RBL1: variants seen among roughly 807,000 people sequenced by gnomAD.
RBL1 encodes the protein retinoblastoma-like protein 1.
RBL1 carries 82 observed loss-of-function variants against 123.0 expected under a neutral mutation model. The ratio of observed to expected loss-of-function variants is 0.67; its 90% CI spans 0.56 to 0.80. RBL1 has a LOEUF of 0.80. RBL1 is among the 30% of genes least tolerant of loss of function. The probability of loss-of-function intolerance (pLI) is 0.00; values close to 1 mark genes in which losing one functional copy is unlikely to be tolerated. For missense variants in RBL1, 1,171 were observed against 1,299.6 expected, an observed-to-expected ratio of 0.90 and a Z score of 1.52; for synonymous variants, 405 against 441.3, an observed-to-expected ratio of 0.92 and a Z score of 1.03.
intron 2 of RBL1, among the ~76,000 whole-genome samples, chr20:37,069,486 C>T (rs1191993656): frequency 6.7e-6 from 1 of 150,280 alleles, no homozygotes; most frequent in South Asian, 2.1e-4. Context: ...GCCTCTGCCC[C>T]GCCACCCCGT....
rs751519365 is a variant in RBL1 at position 37,022,845 on chromosome 20, C to T, written c.2383-19G>A. 1 of 1,574,472 alleles carries T rather than the reference C, an allele frequency of 6.4e-7. No individual in the cohort carries two copies. Among genetic ancestry groups the T allele is most frequent in the Admixed American group, 1.8e-5 (1 of 55,128 alleles). On this transcript the variant is annotated intron_variant, in intron 16 of 21. Transcript: ENST00000373664. ...GATAGACCTAAAATAGAAGGTAACA[C>T]ATTGATGCAAAACACCAAGTAAATC...
intron 19 of RBL1, among the ~76,000 whole-genome samples, chr20:37,009,978 T>C (rs1186090310): frequency 6.6e-6 from 1 of 151,874 alleles, no homozygotes; most frequent in African/African-American, 2.4e-5. Flanking sequence ...TGAGCTATGA[T>C]TGCCCCATTA....
intron 2 of RBL1, among the ~76,000 whole-genome samples, chr20:37,077,286 A>G (rs2065380135): frequency 6.6e-6 from 1 of 152,160 alleles, no homozygotes; most frequent in Non-Finnish European, 1.5e-5. Flanking sequence ...ATGGTAGTAA[A>G]TTTTATGTGT....
intron 4 of RBL1, 50 bp downstream of exon 4, chr20:37,067,183 C>T: frequency 6.4e-7 from 1 of 1,569,612 alleles, no homozygotes; most frequent in African/African-American, 1.4e-5. Flanking sequence ...TGTCAAATAG[C>T]ACCAAGTTCC....
chr20:37,035,355 G>A lies in RBL1; in HGVS notation c.2057C>T (p.Ser686Phe). Reference sequence around the variant, plus strand: ...TACATTTTCAGCAGTAATGCTTGAAGAAGGAGCGATTTTCAATTTTGTTCC... The same window carrying A: ...TACATTTTCAGCAGTAATGCTTGAAAAAGGAGCGATTTTCAATTTTGTTCC... ...TEGTKLKIAP[S>F]SSITAENVSI... The change falls in exon 15 of 22, where the codon TCT becomes TTT. Residue 686 changes from serine (S) to phenylalanine (F), a missense_variant. Transcript: ENST00000373664. 6.2e-7 allele frequency: 1 copy of A among 1,614,160 alleles called. No individual in the cohort carries two copies. Among genetic ancestry groups the A allele is most frequent in the Non-Finnish European group, 8.5e-7 (1 of 1,180,020 alleles).
rs571868798 is a variant in RBL1, at chr20:37,086,357, C to T, written c.290+2632G>A. On this transcript the variant is annotated intron_variant, in intron 2 of 21. Transcript: ENST00000373664. ...GTCCCAGCACTTAGGGAGGCCGAGG[C>T]GGGTGGATCACCTGAGGTCAGGAGT... Among the ~76,000 whole-genome samples, 27 of 151,966 alleles carry T rather than the reference C, an allele frequency of 1.8e-4. No individual in the cohort carries two copies. In the South Asian group the frequency reaches 4.6e-3, roughly 26 times the overall value.
At chr20:37,026,871 T>A (rs2064432034) in intron 16 of RBL1, among the ~76,000 whole-genome samples, 1 of 148,622 alleles carries the variant, frequency 6.7e-6, no homozygotes, top group Admixed American at 6.7e-5. Flanking sequence ...GGCATGGTGG[T>A]GCGTCCCTGT....
chr20:37,059,136 T>C (rs1331750914), intron 9 of RBL1, among the ~76,000 whole-genome samples: 1 of 152,246 alleles, frequency 6.6e-6, no homozygotes, highest in Non-Finnish European at 1.5e-5. Flanking sequence ...TTTCAACTTA[T>C]TCATGTTTGA....
intron 2 of RBL1, among the ~76,000 whole-genome samples, chr20:37,078,881 T>TTGG (rs1555871148): frequency 7.1e-6 from 1 of 140,740 alleles, no homozygotes; most frequent in African/African-American, 2.6e-5. Context: ...GGTCTTTTTT[T>TTGG]GGGGGGCGGG....
At chr20:37,020,283 T>A (rs1265385148) in intron 18 of RBL1, among the ~76,000 whole-genome samples, 1 of 151,930 alleles carries the variant, frequency 6.6e-6, no homozygotes, top group Non-Finnish European at 1.5e-5. Flanking sequence ...GAGACAGGGT[T>A]TTACCATATT....
rs577549080 is a variant in RBL1 at position 37,084,653 on chromosome 20, ACAC to A, written c.290+4333_290+4335del. On this transcript the variant is annotated intron_variant, in intron 2 of 21. Transcript: ENST00000373664. ...GTCTAGGCTGTAGTGAGCTGTGATC[ACAC>A]CACTACACTCCATCCTGAGTGACAG... is the stretch of plus-strand genomic sequence containing the variant. Among the ~76,000 whole-genome samples the A allele has an allele frequency of 2.0e-5, 3 of 152,262 alleles. No homozygotes were observed. In the South Asian group the frequency reaches 6.2e-4, roughly 32 times the overall value.
In RBL1 at chr20:37,088,857, C is replaced by T. The variant is rs147845558; in HGVS notation, c.290+132G>A. ...CAGCCTGGCTGGCACAGTGAGACTGCGTCTCAAAAATAAATAAATAAATAA... is the reference window on the plus strand; with the variant it reads ...CAGCCTGGCTGGCACAGTGAGACTGTGTCTCAAAAATAAATAAATAAATAA... On this transcript the variant is annotated intron_variant, in intron 2 of 21. Coordinates refer to ENST00000373664, the MANE Select transcript of RBL1 (RefSeq NM_002895.5). 1.1e-3 allele frequency: 581 copies of T among 543,626 alleles called. 5 individuals carry two copies. The highest frequency in any genetic ancestry group is 9.7e-3 in the African/African-American group (479 of 49,630). The allele number at this position is 543,626 out of a possible 1,614,324, so 33.7% of individuals were successfully genotyped here. A position where few individuals can be genotyped will look rare whatever the true frequency, so the allele number is the denominator to read the frequency against.
chr20:37,071,790 G>T (rs925698803), intron 2 of RBL1, among the ~76,000 whole-genome samples: 5 of 152,092 alleles, frequency 3.3e-5, no homozygotes, highest in African/African-American at 1.2e-4. Flanking sequence ...CTGAGATCTG[G>T]CTGTTTAAAA....
chr20:37,012,145 G>A (rs1050748496), intron 19 of RBL1, among the ~76,000 whole-genome samples: 26 of 152,368 alleles, frequency 1.7e-4, no homozygotes, highest in African/African-American at 5.5e-4. Flanking sequence ...GATTGCAGAC[G>A]GAGTCTGGTT....
At chr20:37,015,632 G>A (rs1452258305) in intron 19 of RBL1, among the ~76,000 whole-genome samples, 2 of 152,042 alleles carry the variant, frequency 1.3e-5, no homozygotes, top group Non-Finnish European at 2.9e-5. Context: ...AGGTTTCACC[G>A]TGTTAGCCAG....
At chr20:37,030,694 A>C (rs1317667989) in intron 16 of RBL1, among the ~76,000 whole-genome samples, 3 of 151,940 alleles carry the variant, frequency 2.0e-5, no homozygotes, top group Non-Finnish European at 2.9e-5. Flanking sequence ...GTCTCTACTA[A>C]AAATACAAAA....
chr20:37,007,758 A>G lies in RBL1; in HGVS notation c.2723-199T>C, dbSNP rs536286251. On this transcript the variant is annotated intron_variant, in intron 19 of 21. Coordinates refer to ENST00000373664, the MANE Select transcript of RBL1 (RefSeq NM_002895.5). ...CAGGCACGTGCCACCATGCCTGGCT[A>G]TTTTTTATTTTTAGTAGAGACGGGG... 4.6e-5 allele frequency among the ~76,000 whole-genome samples: 7 copies of G among 151,920 alleles called. No individual in the cohort carries two copies. The East Asian group carries it at 1.4e-3, about 30-fold the overall frequency.
Position 37,061,106 on chromosome 20 carries a change from A to G in RBL1, c.1247T>C (p.Phe416Ser), listed in dbSNP as rs753320620. 6.2e-7 allele frequency: 1 copy of G among 1,603,560 alleles called. No homozygotes were observed. The highest frequency in any genetic ancestry group is 8.5e-7 in the Non-Finnish European group (1 of 1,174,652). ...AAAATAACAGTATTGTACATACTCA[A>G]AAATATTTATAAGTTGGTCACTTGG... ...NAPSDQLINI[F>S]ESCVRNPVEN... The change falls in exon 9 of 22, where the codon TTT becomes TCT. Residue 416 changes from phenylalanine to serine, a missense_variant. Transcript: ENST00000373664.
chr20:37,072,577 A>G (rs1256390328), intron 2 of RBL1, among the ~76,000 whole-genome samples: 2 of 152,182 alleles, frequency 1.3e-5, no homozygotes, highest in African/African-American at 2.4e-5. Context: ...GGACATTTCC[A>G]CTTTTGAGCC....
Sources: gnomAD v4.1 joint callset for allele counts (sites outside exome capture counted in the v4.1 genomes callset) on GRCh38, gnomAD v4.1.1 for gene constraint, MANE v1.5 for transcripts, NCBI Gene and HGNC (gene_info 2026-07-23, HGNC 2026-07-21) for gene names.